Variants in ABCA12 observed in about 807,000 individuals in gnomAD.
ABCA12 encodes glucosylceramide transporter ABCA12.
In ABCA12, 156 loss-of-function variants were observed where a neutral mutation model predicts 293.5. The observed-to-expected ratio is 0.53, with a 90% CI of 0.47 to 0.61. ABCA12 has a LOEUF of 0.61. Ranked by LOEUF, ABCA12 falls within the 20% of genes least tolerant of loss-of-function variation. The probability of loss-of-function intolerance (pLI) is 0.00; values close to 1 mark genes in which losing one functional copy is unlikely to be tolerated. For missense variants in ABCA12, 2,797 were observed against 3,090.2 expected (o/e 0.91, Z 2.25); for synonymous variants, 1,063 against 1,108.0 (o/e 0.96, Z 0.81).
At chr2:215,013,379 A>C (rs569468420) in intron 15 of ABCA12, among the ~76,000 whole-genome samples, 1 of 152,220 alleles carries the variant, frequency 6.6e-6, no homozygotes, top group South Asian at 2.1e-4. Context: ...ATTTCTAAGG[A>C]AGTCAAAGAC....
At chr2:215,098,580 A>G (rs1702292343) in intron 2 of ABCA12, among the ~76,000 whole-genome samples, 1 of 152,246 alleles carries the variant, frequency 6.6e-6, no homozygotes, top group African/African-American at 2.4e-5. Flanking sequence ...TTGTTCAACA[A>G]ATATTTGTTG....
intron 8 of ABCA12, among the ~76,000 whole-genome samples, chr2:215,034,764 C>T (rs1700955614): frequency 1.3e-5 from 2 of 152,172 alleles, no homozygotes; most frequent in African/African-American, 4.8e-5. Context: ...CTGTATCTCA[C>T]AGAGTTATTT....
At chr2:215,118,934 T>C (rs1043459409) in intron 1 of ABCA12, among the ~76,000 whole-genome samples, 1 of 152,186 alleles carries the variant, frequency 6.6e-6, no homozygotes, top group Non-Finnish European at 1.5e-5. Flanking sequence ...AGTTTGAGAA[T>C]ATTTTCTCCC....
chr2:215,016,635 C>G (rs751631445), intron 14 of ABCA12, among the ~76,000 whole-genome samples: 2 of 120,278 alleles, frequency 1.7e-5, no homozygotes, highest in Non-Finnish European at 3.4e-5. Flanking sequence ...CCTTTAAAAT[C>G]TCACTCTTAA....
intron 2 of ABCA12, among the ~76,000 whole-genome samples, chr2:215,089,604 T>C (rs1464677): frequency 0.051 from 7,792 of 152,240 alleles, 625 homozygotes; most frequent in African/African-American, 0.17. Context: ...AGAAACAAAG[T>C]CCATTAACAG....
chr2:214,933,988 C>A, intron 52 of ABCA12, 90 bp downstream of exon 52: 1 of 1,374,284 alleles, frequency 7.3e-7, no homozygotes. Flanking sequence ...CAATTAAAAA[C>A]AAATTGAATG....
intron 1 of ABCA12, among the ~76,000 whole-genome samples, chr2:215,129,444 T>C (rs1454605083): frequency 6.6e-6 from 1 of 152,214 alleles, no homozygotes; most frequent in African/African-American, 2.4e-5. Flanking sequence ...AGGTGGCATC[T>C]CAGTGTGGTT....
intron 48 of ABCA12, among the ~76,000 whole-genome samples, chr2:214,946,765 T>G (rs1018031522): frequency 6.6e-6 from 1 of 152,116 alleles, no homozygotes; most frequent in East Asian, 1.9e-4. Flanking sequence ...TTTGACAAAG[T>G]TAGACTTGGG....
At chr2:215,051,306 A>G (rs1701315109) in intron 5 of ABCA12, among the ~76,000 whole-genome samples, 1 of 152,076 alleles carries the variant, frequency 6.6e-6, no homozygotes, top group African/African-American at 2.4e-5. Flanking sequence ...TGTAAACTAG[A>G]CTTTCAATGT....
At chr2:214,942,861 C>A in intron 50 of ABCA12, 64 bp downstream of exon 50, 2 of 1,406,510 alleles carry the variant, frequency 1.4e-6, no homozygotes, top group Admixed American at 3.4e-5. Context: ...ATCCTTGAAT[C>A]TGAGTGAGCA....
At chr2:215,015,695 G>C (rs371706213) in intron 14 of ABCA12, 32 bp from the exon 15 acceptor site, 1 of 1,601,246 alleles carries the variant, frequency 6.2e-7, no homozygotes, top group African/African-American at 1.3e-5. Flanking sequence ...TATTTCAACT[G>C]TGAATCATTC....
At chr2:215,000,384 C>A (rs1700120454) in intron 22 of ABCA12, among the ~76,000 whole-genome samples, 1 of 151,918 alleles carries the variant, frequency 6.6e-6, no homozygotes, top group African/African-American at 2.4e-5. Flanking sequence ...GGAGGTAAGC[C>A]CAGTAGACAG....
chr2:215,012,275 C>G (rs1700394823), intron 15 of ABCA12, 140 bp from the exon 16 acceptor site: 3 of 713,020 alleles, frequency 4.2e-6, no homozygotes, highest in African/African-American at 3.6e-5. Context: ...AAATTTAACA[C>G]TCAACCTGAC....
chr2:215,112,428 G>C (rs926692242), intron 1 of ABCA12, among the ~76,000 whole-genome samples: 1 of 148,380 alleles, frequency 6.7e-6, no homozygotes, highest in Non-Finnish European at 1.5e-5. Flanking sequence ...TCCACCACTC[G>C]ATGAAAAATA....
chr2:215,017,926 T>G, intron 14 of ABCA12, 82 bp downstream of exon 14: 1 of 1,588,564 alleles, frequency 6.3e-7, no homozygotes, highest in Non-Finnish European at 8.6e-7. Flanking sequence ...TCTCAGTGTT[T>G]AACTGGTAAG....
chr2:214,982,272 C>G lies in ABCA12; in HGVS notation c.4494G>C (p.Arg1498Ser), dbSNP rs1559129034. 5.6e-6 allele frequency: 9 copies of G among 1,613,974 alleles called. No homozygotes were observed. The highest frequency in any genetic ancestry group is 6.8e-6 in the Non-Finnish European group (8 of 1,179,978). Residue 1498 changes from arginine (R) to serine (S), a missense_variant, in exon 30 of 53, where the codon AGG (arginine) becomes AGC (serine). Physicochemically the swap from Arg to Ser is moderately radical, Grantham distance 110 (BLOSUM62 -1). Transcript: ENST00000272895. The stretch of plus-strand genomic sequence containing the variant: ...TAGATGGTTCATCCAAAATTACTAC[C>G]CTTGATCCACCAATGAGAGCTATGG... ...SISIALIGGS[R>S]VVILDEPSTG...
At chr2:215,019,163 T>C (rs1350925953) in intron 13 of ABCA12, among the ~76,000 whole-genome samples, 173 bp downstream of exon 13, 2 of 152,268 alleles carry the variant, frequency 1.3e-5, no homozygotes, top group Non-Finnish European at 2.9e-5. Flanking sequence ...GCTAGCTTTC[T>C]GTGTGTTTAC....
intron 5 of ABCA12, among the ~76,000 whole-genome samples, chr2:215,051,505 G>A (rs1701319266): frequency 6.6e-6 from 1 of 152,004 alleles, no homozygotes; most frequent in Non-Finnish European, 1.5e-5. Flanking sequence ...TTAAGTAGCA[G>A]TGGTTATGGT....
At chr2:215,123,855 T>C (rs1419542308) in intron 1 of ABCA12, among the ~76,000 whole-genome samples, 2 of 152,172 alleles carry the variant, frequency 1.3e-5, no homozygotes, top group African/African-American at 4.8e-5. Context: ...TTGTGAGATT[T>C]TGGTGCACCC....
Sources: allele counts gnomAD v4.1 joint callset (sites outside exome capture counted in the v4.1 genomes callset), GRCh38; gene constraint gnomAD v4.1.1; transcripts MANE v1.5; gene names NCBI Gene and HGNC (gene_info 2026-07-23, HGNC 2026-07-21).